The following MPPED1 variants were observed in gnomAD, a reference collection of about 807,000 sequenced individuals.
The protein encoded by MPPED1 is metallophosphoesterase domain containing 1.
Under a neutral mutation model 36.2 loss-of-function variants are expected in MPPED1, and 16 were observed. The ratio of observed to expected loss-of-function variants is 0.44; its 90% CI spans 0.30 to 0.67. The LOEUF is 0.67. Ranked by LOEUF, MPPED1 falls within the 30% of genes least tolerant of loss-of-function variation. The probability of loss-of-function intolerance (pLI) is 0.10; values close to 1 mark genes in which losing one functional copy is unlikely to be tolerated. For synonymous variants in MPPED1, 199 were observed against 191.3 expected (o/e 1.04, Z -0.33); for missense variants, 307 against 453.4 (o/e 0.68, Z 2.93).
rs1932756105 is a variant in MPPED1, at chr22:43,502,513, G to A, written c.749-131G>A. On this transcript the variant is annotated intron_variant, in intron 5 of 6. Transcript: ENST00000443721. The surrounding 1 kb of genome is among the most constrained non-coding windows in gnomAD (Gnocchi z 5.5). ...GCAGGGTTCCGGAGAGCTTGCTAGG[G>A]GAGAGTGGTGCAAAGCCGGAGTCCG... 3.0e-6 allele frequency: 2 copies of A among 675,592 alleles called. No homozygotes were observed. Among genetic ancestry groups the A allele is most frequent in the Admixed American group, 2.5e-5 (1 of 39,320 alleles). 41.8% of individuals were successfully genotyped at this position (675,592 alleles called of 1,614,324 possible). A position where few individuals can be genotyped will look rare whatever the true frequency, so the allele number is the denominator to read the frequency against.
At chr22:43,481,979 G>A (rs143994087) in intron 4 of MPPED1, among the ~76,000 whole-genome samples, 5 of 152,304 alleles carry the variant, frequency 3.3e-5, no homozygotes, top group African/African-American at 7.2e-5. Flanking sequence ...CTCCCAGGGC[G>A]CCGTGACGTT....
chr22:43,417,215 T>C (rs1259266512), intron 1 of MPPED1, among the ~76,000 whole-genome samples: 1 of 152,220 alleles, frequency 6.6e-6, no homozygotes, highest in African/African-American at 2.4e-5. Flanking sequence ...TTGCAAGGAA[T>C]AGGGGCTAAT....
intron 4 of MPPED1, among the ~76,000 whole-genome samples, chr22:43,491,727 ATGCT>A (rs1214111365): frequency 7.7e-5 from 9 of 116,628 alleles, no homozygotes; most frequent in Non-Finnish European, 1.4e-4. Context: ...GATAAAGATG[ATGCT>A]GGTGGTGGTG....
intron 3 of MPPED1, among the ~76,000 whole-genome samples, chr22:43,438,195 G>T (rs536854959): frequency 6.6e-6 from 1 of 152,132 alleles, no homozygotes; most frequent in African/African-American, 2.4e-5. Context: ...AGAGCTATGG[G>T]GTCTGTCTGG....
At chr22:43,477,834 G>C (rs1280423672) in intron 4 of MPPED1, among the ~76,000 whole-genome samples, 1 of 152,190 alleles carries the variant, frequency 6.6e-6, no homozygotes, top group Non-Finnish European at 1.5e-5. Context: ...ACTTTGGGCA[G>C]GTGGCTCAGC....
intron 4 of MPPED1, among the ~76,000 whole-genome samples, chr22:43,496,013 G>T (rs1438833725): frequency 3.7e-5 from 4 of 107,780 alleles, no homozygotes; most frequent in African/African-American, 1.4e-4. Flanking sequence ...GATGGTGGTG[G>T]TGGAGGTGGT....
At chr22:43,439,901 T>A (rs1217028778) in intron 3 of MPPED1, among the ~76,000 whole-genome samples, 1 of 152,222 alleles carries the variant, frequency 6.6e-6, no homozygotes, top group Non-Finnish European at 1.5e-5. Flanking sequence ...CTGCCCCTTG[T>A]GAAGCCTCCC....
intron 4 of MPPED1, among the ~76,000 whole-genome samples, chr22:43,484,321 G>T (rs1931844258): frequency 1.3e-5 from 2 of 152,250 alleles, no homozygotes; most frequent in African/African-American, 4.8e-5. Context: ...GTCAGGTAAG[G>T]CTTGAGTAGG....
At chr22:43,497,520 A>T (rs553352409) in intron 4 of MPPED1, among the ~76,000 whole-genome samples, 1 of 152,180 alleles carries the variant, frequency 6.6e-6, no homozygotes, top group East Asian at 1.9e-4. Context: ...TCTTGAAAAG[A>T]GACTGCCTGC....
At chr22:43,425,585 C>T (rs1011222746) in intron 2 of MPPED1, among the ~76,000 whole-genome samples, 3 of 152,362 alleles carry the variant, frequency 2.0e-5, no homozygotes, top group Admixed American at 6.5e-5. Flanking sequence ...GCCACATTCC[C>T]GATCCCTTTC....
intron 3 of MPPED1, among the ~76,000 whole-genome samples, chr22:43,446,782 T>C (rs1420280231): frequency 6.6e-6 from 1 of 152,104 alleles, no homozygotes; most frequent in Non-Finnish European, 1.5e-5. Context: ...GCTACTTGCC[T>C]TTGGTTTGCA....
chr22:43,412,243 G>A, intron 1 of MPPED1, 85 bp downstream of exon 1: 1 of 833,178 alleles, frequency 1.2e-6, no homozygotes. Context: ...CAGGCGCTGG[G>A]CGACGCCCGC....
chr22:43,460,036 G>A (rs907259151), intron 3 of MPPED1, among the ~76,000 whole-genome samples: 17 of 152,014 alleles, frequency 1.1e-4, no homozygotes, highest in Non-Finnish European at 1.8e-4. Context: ...GTGAAACCCC[G>A]TCTCTACTAA....
Position 43,432,352 on chromosome 22 carries a change from GGA to G in MPPED1, c.225-2673_225-2672del, listed in dbSNP as rs1157724080. 2.3e-4 allele frequency among the ~76,000 whole-genome samples: 29 copies of G among 124,260 alleles called. No homozygotes were observed. The South Asian group carries it at 2.9e-3, about 12-fold the overall frequency. 81.5% of individuals were successfully genotyped at this position (124,260 alleles called of 152,430 possible). A position where few individuals can be genotyped will look rare whatever the true frequency, so the allele number is the denominator to read the frequency against. On this transcript the variant is annotated intron_variant, in intron 2 of 6. Coordinates refer to ENST00000443721, the MANE Select transcript of MPPED1 (RefSeq NM_001044370.2). ...AGAAAGAGGGAAAGAGAGAAGGGGA[GGA>G]GAGAGAGAAAGGGAGAGAGAAAGGG...
chr22:43,505,728 G>T lies in MPPED1; in HGVS notation c.*112G>T. The T allele has an allele frequency of 1.1e-6, 1 of 922,380 alleles. No individual in the cohort carries two copies. Among genetic ancestry groups the T allele is most frequent in the Admixed American group, 2.3e-5 (1 of 44,376 alleles). 57.1% of individuals were successfully genotyped at this position (922,380 alleles called of 1,614,324 possible). A position where few individuals can be genotyped will look rare whatever the true frequency, so the allele number is the denominator to read the frequency against. On this transcript the variant is annotated 3_prime_UTR_variant, in exon 7 of 7. Transcript: ENST00000443721. ...GACGACCCATCTGGCTGCGGGGACT[G>T]GCCTAGCAGGCAGGTCAGGGCCTTG...
In MPPED1 at chr22:43,505,737, G is replaced by T; in HGVS notation, c.*121G>T. On this transcript the variant is annotated 3_prime_UTR_variant, in exon 7 of 7. Coordinates refer to ENST00000443721, the MANE Select transcript of MPPED1 (RefSeq NM_001044370.2). Reference sequence around the variant, plus strand: ...TCTGGCTGCGGGGACTGGCCTAGCAGGCAGGTCAGGGCCTTGGAACGACTC... The same window carrying T: ...TCTGGCTGCGGGGACTGGCCTAGCATGCAGGTCAGGGCCTTGGAACGACTC... The T allele has an allele frequency of 1.2e-6, 1 of 800,174 alleles. No homozygotes were observed. Among genetic ancestry groups the T allele is most frequent in the East Asian group, 2.7e-5 (1 of 36,956 alleles). 49.6% of individuals were successfully genotyped at this position (800,174 alleles called of 1,614,324 possible).
chr22:43,436,636 C>T (rs1929971250), intron 3 of MPPED1, among the ~76,000 whole-genome samples: 1 of 152,236 alleles, frequency 6.6e-6, no homozygotes, highest in Non-Finnish European at 1.5e-5. Context: ...GGCTGCCTCC[C>T]AGGAGGGGCC....
chr22:43,483,783 G>A (rs935903779), intron 4 of MPPED1, among the ~76,000 whole-genome samples: 1 of 152,128 alleles, frequency 6.6e-6, no homozygotes, highest in African/African-American at 2.4e-5. Flanking sequence ...TGCTCCCTGG[G>A]AGGCATTGTG....
At chr22:43,444,920 A>T (rs1930284020) in intron 3 of MPPED1, among the ~76,000 whole-genome samples, 1 of 152,218 alleles carries the variant, frequency 6.6e-6, no homozygotes, top group African/African-American at 2.4e-5. Context: ...AATGGGTAGA[A>T]TATTGATGAT....
Sources: allele counts gnomAD v4.1 joint callset (sites outside exome capture counted in the v4.1 genomes callset), GRCh38; gene constraint gnomAD v4.1.1; non-coding constraint Gnocchi (gnomAD v3.1); transcripts MANE v1.5; gene names NCBI Gene and HGNC (gene_info 2026-07-23, HGNC 2026-07-21).